VSTM4: variants seen among roughly 807,000 people sequenced by gnomAD.
VSTM4 encodes the protein V-set and transmembrane domain containing 4, also known as V-set and transmembrane domain-containing protein 4.
VSTM4 carries 20 observed loss-of-function variants against 36.4 expected under a neutral mutation model. The ratio of observed to expected loss-of-function variants is 0.55; its 90% CI spans 0.39 to 0.80. The LOEUF (loss-of-function observed/expected upper bound fraction) is 0.80. Ranked by LOEUF, VSTM4 falls within the 30% of genes least tolerant of loss-of-function variation. The probability of loss-of-function intolerance (pLI) is 0.00; values close to 1 mark genes in which losing one functional copy is unlikely to be tolerated. For missense variants in VSTM4, 392 were observed against 404.5 expected (o/e 0.97, Z 0.26); for synonymous variants, 182 against 173.9 (o/e 1.05, Z -0.37).
At chr10:49,094,434 G>A (rs769512639) in intron 2 of VSTM4, among the ~76,000 whole-genome samples, 3 of 152,222 alleles carry the variant, frequency 2.0e-5, no homozygotes, top group Admixed American at 6.5e-5. Flanking sequence ...AAAGGAAGCG[G>A]AAGAAGTTAA....
intron 4 of VSTM4, among the ~76,000 whole-genome samples, chr10:49,075,402 C>G (rs1472125341): frequency 6.6e-6 from 1 of 152,220 alleles, no homozygotes; most frequent in Non-Finnish European, 1.5e-5. Flanking sequence ...GGAAATAAAC[C>G]CATTTGTCCA....
intron 4 of VSTM4, among the ~76,000 whole-genome samples, chr10:49,076,215 G>C (rs1034968537): frequency 6.6e-6 from 1 of 152,142 alleles, no homozygotes; most frequent in African/African-American, 2.4e-5. Context: ...CTATGACCTT[G>C]AGCTAACAGT....
intron 7 of VSTM4, among the ~76,000 whole-genome samples, chr10:49,028,807 G>T (rs1843301689): frequency 6.6e-6 from 1 of 152,146 alleles, no homozygotes; most frequent in African/African-American, 2.4e-5. Flanking sequence ...GTTCAATTGG[G>T]TAATACCATT....
rs956181104 is a variant in VSTM4, at chr10:49,018,569, T to G, written c.*1081A>C. 1.3e-5 allele frequency: 2 copies of G among 152,170 alleles called. No homozygotes were observed. Among genetic ancestry groups the G allele is most frequent in the South Asian group, 4.2e-4 (2 of 4,812 alleles). 9.4% of individuals were successfully genotyped at this position (152,170 alleles called of 1,614,324 possible). A position where few individuals can be genotyped will look rare whatever the true frequency, so the allele number is the denominator to read the frequency against. ...TCAAGAAATGTCCTCAATAACACAGTTGACAGGATGGTGCTTTCAGAATGG... is the reference window on the plus strand; with the variant it reads ...TCAAGAAATGTCCTCAATAACACAGGTGACAGGATGGTGCTTTCAGAATGG... On this transcript the variant is annotated 3_prime_UTR_variant, in exon 8 of 8. Transcript: ENST00000332853.
intron 1 of VSTM4, among the ~76,000 whole-genome samples, chr10:49,110,237 G>A (rs748292058): frequency 6.6e-6 from 1 of 152,186 alleles, no homozygotes; most frequent in Non-Finnish European, 1.5e-5. Context: ...TCCTATTAAT[G>A]CTACATGGAA....
chr10:49,064,876 C>A, intron 4 of VSTM4, 140 bp from the exon 5 acceptor site: 1 of 834,404 alleles, frequency 1.2e-6, no homozygotes, highest in Non-Finnish European at 1.9e-6. Flanking sequence ...GACTTGCATT[C>A]TTCTGTTTGG....
intron 5 of VSTM4, among the ~76,000 whole-genome samples, chr10:49,060,667 T>C (rs1309016643): frequency 6.6e-6 from 1 of 152,230 alleles, no homozygotes; most frequent in African/African-American, 2.4e-5. Context: ...CTTAATGGTG[T>C]CTTTGGAAAT....
At chr10:49,027,161 T>G (rs925076897) in intron 7 of VSTM4, among the ~76,000 whole-genome samples, 4 of 152,234 alleles carry the variant, frequency 2.6e-5, no homozygotes, top group African/African-American at 9.6e-5. Context: ...ACTGGGATTC[T>G]GCCTCGCCCT....
intron 3 of VSTM4, among the ~76,000 whole-genome samples, chr10:49,083,227 T>C (rs1844311339): frequency 1.3e-5 from 2 of 152,206 alleles, no homozygotes; most frequent in Non-Finnish European, 2.9e-5. Context: ...TGTAATACCA[T>C]CTTGCTCAGG....
chr10:49,021,065 G>A (rs1284254509), intron 7 of VSTM4, among the ~76,000 whole-genome samples: 1 of 151,890 alleles, frequency 6.6e-6, no homozygotes, highest in Non-Finnish European at 1.5e-5. Context: ...AGTAGGTGTA[G>A]ACATATATTT....
intron 7 of VSTM4, among the ~76,000 whole-genome samples, chr10:49,040,754 C>T (rs1843509077): frequency 6.6e-6 from 1 of 152,176 alleles, no homozygotes; most frequent in Admixed American, 6.5e-5. Flanking sequence ...GCTTTTCACC[C>T]AGAGCCTATA....
At chr10:49,087,439 A>C (rs1844388792) in intron 2 of VSTM4, among the ~76,000 whole-genome samples, 1 of 152,160 alleles carries the variant, frequency 6.6e-6, no homozygotes, top group African/African-American at 2.4e-5. Context: ...AATGCCAGAC[A>C]TTGTATATAG....
intron 1 of VSTM4, among the ~76,000 whole-genome samples, chr10:49,110,929 C>T (rs1045654335): frequency 8.5e-5 from 13 of 152,212 alleles, no homozygotes; most frequent in Non-Finnish European, 2.9e-5. Context: ...TTCCAGCCCT[C>T]TACCTGCACC....
intron 4 of VSTM4, among the ~76,000 whole-genome samples, chr10:49,076,352 G>T (rs1320884789): frequency 6.6e-6 from 1 of 152,180 alleles, no homozygotes; most frequent in Admixed American, 6.5e-5. Flanking sequence ...TGAGACTGGT[G>T]CACTCCTGCC....
intron 7 of VSTM4, among the ~76,000 whole-genome samples, chr10:49,036,716 C>T (rs984470077): frequency 4.6e-5 from 7 of 152,204 alleles, no homozygotes; most frequent in African/African-American, 1.4e-4. Flanking sequence ...AGTACATTCT[C>T]AATGGTGAAA....
chr10:49,050,796 C>T (rs1437078736), intron 5 of VSTM4, among the ~76,000 whole-genome samples: 3 of 152,182 alleles, frequency 2.0e-5, no homozygotes, highest in Non-Finnish European at 4.4e-5. Context: ...TAATTACAGG[C>T]ATGGAAACCA....
At chr10:49,084,592 G>T (rs1403171551) in intron 3 of VSTM4, among the ~76,000 whole-genome samples, 1 of 152,208 alleles carries the variant, frequency 6.6e-6, no homozygotes. Flanking sequence ...GGTTAACAAA[G>T]GGTGACAGTA....
At chr10:49,028,549 T>A (rs1003608119) in intron 7 of VSTM4, among the ~76,000 whole-genome samples, 2 of 152,204 alleles carry the variant, frequency 1.3e-5, no homozygotes, top group African/African-American at 4.8e-5. Flanking sequence ...TTGTGCACCT[T>A]TCTGGAAGAT....
At chr10:49,098,290 G>A (rs1292721993) in intron 2 of VSTM4, among the ~76,000 whole-genome samples, 1 of 152,210 alleles carries the variant, frequency 6.6e-6, no homozygotes, top group East Asian at 1.9e-4. Context: ...CGTCTCACCT[G>A]CAGTGAGGCT....
Sources: gnomAD v4.1 joint callset for allele counts (sites outside exome capture counted in the v4.1 genomes callset) on GRCh38, gnomAD v4.1.1 for gene constraint, MANE v1.5 for transcripts, NCBI Gene and HGNC (gene_info 2026-07-23, HGNC 2026-07-21) for gene names.